The following KTN1 variants were observed in gnomAD, a reference collection of about 807,000 sequenced individuals.
KTN1 encodes kinectin.
KTN1 carries 130 observed loss-of-function variants against 222.5 expected under a neutral mutation model. The ratio of observed to expected loss-of-function variants is 0.58; its 90% CI spans 0.51 to 0.68. KTN1 has a LOEUF of 0.68. Ranked by LOEUF, KTN1 falls within the 30% of genes least tolerant of loss-of-function variation. The pLI is 0.00. For synonymous variants in KTN1, 512 were observed against 496.3 expected, an observed-to-expected ratio of 1.03 and a Z score of -0.42; for missense variants, 1,508 against 1,500.4, an observed-to-expected ratio of 1.01 and a Z score of -0.08.
chr14:55,629,939 T>C lies in KTN1; in HGVS notation c.1081-18T>C. On this transcript the variant is annotated intron_variant, in intron 6 of 43. Coordinates refer to ENST00000395314, the MANE Select transcript of KTN1 (RefSeq NM_001079521.2). ...TTATTAAATAACAAGTTTTTAAATT[T>C]CTGGGATATTCTTTTAGGAAATGAT... 6.6e-7 allele frequency: 1 copy of C among 1,520,984 alleles called. No individual in the cohort carries two copies. The highest frequency in any genetic ancestry group is 1.2e-5 in the South Asian group (1 of 86,134). The allele number at this position is 1,520,984 out of a possible 1,614,324, so 94.2% of individuals were successfully genotyped here.
intron 6 of KTN1, 66 bp downstream of exon 6, chr14:55,628,094 T>C: frequency 1.0e-6 from 1 of 985,096 alleles, no homozygotes; most frequent in Admixed American, 2.1e-5. Context: ...ATTTTAGAAA[T>C]TGTCCATAAT....
At chr14:55,596,781 T>C (rs928556636) in intron 1 of KTN1, among the ~76,000 whole-genome samples, 1 of 151,892 alleles carries the variant, frequency 6.6e-6, no homozygotes, top group African/African-American at 2.4e-5. Context: ...TTATTGCGAG[T>C]GATGTCAAAA....
At chr14:55,611,320 TG>T (rs1382015487) in intron 1 of KTN1, among the ~76,000 whole-genome samples, 2 of 149,030 alleles carry the variant, frequency 1.3e-5, no homozygotes, top group Non-Finnish European at 3.0e-5. Flanking sequence ...CAGGGTAGAC[TG>T]GAACTCCTAG....
intron 1 of KTN1, among the ~76,000 whole-genome samples, chr14:55,611,632 C>T (rs1321204937): frequency 6.6e-6 from 1 of 151,986 alleles, no homozygotes; most frequent in Non-Finnish European, 1.5e-5. Flanking sequence ...GTAATAGTAC[C>T]TCCTTATTTT....
At chr14:55,672,235 G>A (rs2045516093) in intron 37 of KTN1, 2 of 230,166 alleles carry the variant, frequency 8.7e-6, no homozygotes, top group Admixed American at 5.3e-5. Flanking sequence ...CCTGGGACCT[G>A]AATGTTATTT....
At chr14:55,610,429 T>C (rs1431815771) in intron 1 of KTN1, among the ~76,000 whole-genome samples, 1 of 152,234 alleles carries the variant, frequency 6.6e-6, no homozygotes, top group Non-Finnish European at 1.5e-5. Context: ...CAAAGTCTTA[T>C]ATTCAATAAA....
chr14:55,631,343 T>TAC (rs2040497429), intron 7 of KTN1, among the ~76,000 whole-genome samples: 1 of 99,022 alleles, frequency 1.0e-5, no homozygotes, highest in South Asian at 3.5e-4. Context: ...ATAAGGTTGA[T>TAC]ATATATATAT....
At chr14:55,670,544 C>A (rs370054973) in intron 34 of KTN1, among the ~76,000 whole-genome samples, 185 bp from the exon 35 acceptor site, 99 of 152,074 alleles carry the variant, frequency 6.5e-4, no homozygotes, top group African/African-American at 2.2e-3. Flanking sequence ...GCTTGTTTTT[C>A]AAAGTGGGTT....
intron 1 of KTN1, among the ~76,000 whole-genome samples, chr14:55,588,506 A>G (rs2033487693): frequency 6.6e-6 from 1 of 152,200 alleles, no homozygotes; most frequent in Non-Finnish European, 1.5e-5. Context: ...ATATGCGAGA[A>G]CTATGATCAC....
chr14:55,637,746 G>A (rs2041307925), intron 11 of KTN1, 33 bp from the exon 12 acceptor site: 3 of 1,513,042 alleles, frequency 2.0e-6, no homozygotes, highest in African/African-American at 1.4e-5. Context: ...TTATTAGCAT[G>A]CTTTTTCTCT....
In KTN1 at chr14:55,646,731, T is replaced by C. The variant is rs2042404980; in HGVS notation, c.2173-242T>C. On this transcript the variant is annotated intron_variant, in intron 18 of 43. Coordinates refer to ENST00000395314, the MANE Select transcript of KTN1 (RefSeq NM_001079521.2). ...AGTGATTAAGATTTTTTTCATAAGA[T>C]ACTAATTCATTTTGCCAGCCCATTT... Among the ~76,000 whole-genome samples, 4 of 151,942 alleles carry C rather than the reference T, an allele frequency of 2.6e-5. No homozygotes were observed. The South Asian group carries it at 8.3e-4, about 32-fold the overall frequency.
intron 3 of KTN1, 138 bp from the exon 4 acceptor site, chr14:55,617,826 G>A (rs1046629152): frequency 1.6e-5 from 10 of 607,216 alleles, no homozygotes; most frequent in East Asian, 2.9e-5. Flanking sequence ...GTTAAATGAC[G>A]AAATAGGAAT....
intron 1 of KTN1, among the ~76,000 whole-genome samples, chr14:55,594,281 GTTCCCT>G (rs2034651417): frequency 6.6e-6 from 1 of 152,038 alleles, no homozygotes; most frequent in African/African-American, 2.4e-5. Context: ...TCAGTGATCT[GTTCCCT>G]TCCTTTGCAC....
At chr14:55,665,818 C>T (rs1297543487) in intron 33 of KTN1, among the ~76,000 whole-genome samples, 1 of 151,996 alleles carries the variant, frequency 6.6e-6, no homozygotes, top group Non-Finnish European at 1.5e-5. Context: ...ACTACTGTGT[C>T]AGATGAAAAC....
In KTN1 at chr14:55,650,589, G is replaced by T; in HGVS notation, c.2517G>T (p.Lys839Asn). 1 of 1,612,346 alleles carries T rather than the reference G, an allele frequency of 6.2e-7. No individual in the cohort carries two copies. The highest frequency in any genetic ancestry group is 8.5e-7 in the Non-Finnish European group (1 of 1,178,672). Residue 839 changes from lysine (K) to asparagine (N), a missense_variant, in exon 24 of 44, where the codon AAG (lysine) becomes AAT (asparagine). Transcript: ENST00000395314. ...TCAAGGATTTGAAACAGGAAATAAAGGCTCTAAAAGAAGAAATAGGAAATG... is the reference window on the plus strand; with the variant it reads ...TCAAGGATTTGAAACAGGAAATAAATGCTCTAAAAGAAGAAATAGGAAATG... ...KTVQDLKQEI[K>N]ALKEEIGNVQ...
At chr14:55,675,020 C>G (rs2045773587) in intron 40 of KTN1, 1 of 152,142 alleles carries the variant, frequency 6.6e-6, no homozygotes, top group African/African-American at 2.4e-5. Context: ...GAATTTCCCT[C>G]CGCCCCACTG....
Position 55,678,416 on chromosome 14 carries a change from T to C in KTN1, c.3920T>C (p.Ile1307Thr), listed in dbSNP as rs115128151. ...AAAGCTGCTGGAGACACTACTGTTA[T>C]TGAAAATAGTGATGTTTCCCCAGAA... ...IVKAAGDTTV[I>T]ENSDVSPETE... Residue 1307 changes from isoleucine (I) to threonine (T), a missense_variant, in exon 42 of 44, where the codon ATT (isoleucine) becomes ACT (threonine). Transcript: ENST00000395314. 1,933 of 1,609,608 alleles carry C rather than the reference T, an allele frequency of 1.2e-3. 11 individuals are homozygous for C. In the African/African-American group the frequency reaches 0.014, roughly 11 times the overall value.
Position 55,671,608 on chromosome 14 carries a change from T to A in KTN1, c.3391T>A (p.Leu1131Met). 6.2e-7 allele frequency: 1 copy of A among 1,612,978 alleles called. No homozygotes were observed. The highest frequency in any genetic ancestry group is 8.5e-7 in the Non-Finnish European group (1 of 1,179,546). Residue 1131 changes from leucine to methionine, a missense_variant, in exon 36 of 44, where the codon TTG (leucine) becomes ATG (methionine). By Grantham distance (15) the Leu-to-Met change is conservative. Transcript: ENST00000395314. ...GAAAGAAGCTGATGAAATGCACACATTGTTACAGCTAGAGTGTGAAAAATA... is the reference window on the plus strand; with the variant it reads ...GAAAGAAGCTGATGAAATGCACACAATGTTACAGCTAGAGTGTGAAAAATA... ...KLKEADEMHT[L>M]LQLECEKYKS...
rs745786276 is a variant in KTN1 at position 55,612,190 on chromosome 14, A to G, written c.142A>G (p.Ile48Val). The G allele has an allele frequency of 1.5e-5, 24 of 1,587,550 alleles. No individual in the cohort carries two copies. Among genetic ancestry groups the G allele is most frequent in the Admixed American group, 7.7e-5 (4 of 51,648 alleles). The change falls in exon 2 of 44, where the codon ATT becomes GTT. Residue 48 changes from isoleucine (I) to valine (V), a missense_variant. Coordinates refer to ENST00000395314, the MANE Select transcript of KTN1 (RefSeq NM_001079521.2). ...AAAACAGAAAAGAGAACAAAAGCTT[A>G]TTCCTACCAAAACAGATAAAAAGAA... ...LAKQKREQKL[I>V]PTKTDKKKAE...
Sources: gnomAD v4.1 joint callset for allele counts (sites outside exome capture counted in the v4.1 genomes callset) on GRCh38, gnomAD v4.1.1 for gene constraint, MANE v1.5 for transcripts, NCBI Gene and HGNC (gene_info 2026-07-23, HGNC 2026-07-21) for gene names.